RAPGEF2: variants seen among roughly 807,000 people sequenced by gnomAD.
RAPGEF2 encodes the protein Rap guanine nucleotide exchange factor 2, also known as PDZ domain containing guanine nucleotide exchange factor (GEF) 1.
Under a neutral mutation model 186.7 loss-of-function variants are expected in RAPGEF2, and 54 were observed. The observed-to-expected ratio is 0.29, with a 90% CI of 0.23 to 0.36. The LOEUF is 0.36. RAPGEF2 is among the 10% of genes least tolerant of loss of function. The pLI, the probability that RAPGEF2 is intolerant of heterozygous loss-of-function variation, is 1.00. For missense variants in RAPGEF2, 1,532 were observed against 2,045.0 expected (o/e 0.75, Z 4.84); for synonymous variants, 712 against 705.9 (o/e 1.01, Z -0.14).
At chr4:159,128,878 A>G (rs1740673118) in intron 1 of RAPGEF2, 1 of 142,136 alleles carries the variant, frequency 7.0e-6, no homozygotes, top group African/African-American at 2.6e-5. Flanking sequence ...AGACTTTGCC[A>G]CTCTTGAAAG....
At chr4:159,286,192 C>T (rs1760469914) in intron 7 of RAPGEF2, among the ~76,000 whole-genome samples, 1 of 152,038 alleles carries the variant, frequency 6.6e-6, no homozygotes, top group African/African-American at 2.4e-5. Context: ...TATTGAAACC[C>T]CAAACCTATG....
intron 7 of RAPGEF2, among the ~76,000 whole-genome samples, chr4:159,276,198 A>C (rs1189147839): frequency 1.3e-5 from 2 of 152,178 alleles, no homozygotes; most frequent in Non-Finnish European, 2.9e-5. Context: ...GTTCAGCAAA[A>C]TTGAGCAATG....
intron 2 of RAPGEF2, among the ~76,000 whole-genome samples, chr4:159,186,927 T>C (rs1747614826): frequency 6.6e-6 from 1 of 152,200 alleles, no homozygotes; most frequent in African/African-American, 2.4e-5. Flanking sequence ...ATCATTTCTT[T>C]GTGTTATAGC....
chr4:159,310,380 C>G (rs926689873), intron 8 of RAPGEF2, among the ~76,000 whole-genome samples: 2 of 151,972 alleles, frequency 1.3e-5, no homozygotes, highest in Non-Finnish European at 2.9e-5. Flanking sequence ...TTTTAATAAG[C>G]AAAACTTTTT....
intron 2 of RAPGEF2, among the ~76,000 whole-genome samples, chr4:159,190,830 T>C (rs1748051394): frequency 6.6e-6 from 1 of 152,070 alleles, no homozygotes. Flanking sequence ...ATCCCTCTCA[T>C]GACATGTGGG....
At chr4:159,348,145 T>C (rs757530931) in intron 25 of RAPGEF2, among the ~76,000 whole-genome samples, 22 of 151,280 alleles carry the variant, frequency 1.5e-4, no homozygotes, top group Non-Finnish European at 2.5e-4. Flanking sequence ...CGCTTCAACC[T>C]GGGGGGTGGA....
intron 3 of RAPGEF2, among the ~76,000 whole-genome samples, chr4:159,201,218 A>G (rs1053504354): frequency 6.6e-5 from 10 of 152,260 alleles, no homozygotes; most frequent in Non-Finnish European, 4.4e-5. Flanking sequence ...GAGTAAAAAT[A>G]TACAAATTTT....
At position 159,158,672 on chromosome 4, in the gene RAPGEF2, C is replaced by G. The variant is rs146932091; in HGVS notation, c.70-27970C>G. Among the ~76,000 whole-genome samples the G allele has an allele frequency of 4.8e-3, 734 of 152,240 alleles. 7 individuals are homozygous for G. Among genetic ancestry groups the G allele is most frequent in the African/African-American group, 0.016 (672 of 41,534 alleles). On this transcript the variant is annotated intron_variant, in intron 1 of 29. Coordinates refer to ENST00000691494, the MANE Select transcript of RAPGEF2 (RefSeq NM_001394067.2). ...AAAGTTCAGAGATGACTATAGTCAC[C>G]TATTCAGGAGAGCATCCAGAGTATG...
chr4:159,322,815 G>A (rs1005688884), intron 10 of RAPGEF2, among the ~76,000 whole-genome samples: 8 of 152,104 alleles, frequency 5.3e-5, no homozygotes, highest in East Asian at 1.9e-4. Context: ...CAAAAGCAGA[G>A]ACCCCTGATA....
intron 4 of RAPGEF2, among the ~76,000 whole-genome samples, chr4:159,223,203 G>GTTTC (rs1047890552): frequency 3.5e-5 from 3 of 86,608 alleles, no homozygotes; most frequent in Non-Finnish European, 7.5e-5. Context: ...TGTCTTAGAT[G>GTTTC]TTTCTTACGG....
intron 11 of RAPGEF2, chr4:159,328,102 T>C (rs1766184842): frequency 1.3e-5 from 2 of 152,124 alleles, no homozygotes; most frequent in South Asian, 4.1e-4. Context: ...TTAATTATGT[T>C]CTCTAAAACT....
intron 1 of RAPGEF2, among the ~76,000 whole-genome samples, chr4:159,178,617 G>A (rs943877623): frequency 6.2e-5 from 8 of 129,656 alleles, no homozygotes; most frequent in Admixed American, 3.7e-4. Context: ...GAGTGCTGCC[G>A]CGCGATTTTA....
At chr4:159,252,742 A>G (rs758576412) in intron 7 of RAPGEF2, among the ~76,000 whole-genome samples, 2 of 152,250 alleles carry the variant, frequency 1.3e-5, no homozygotes, top group Non-Finnish European at 2.9e-5. Flanking sequence ...ACATCAGCTA[A>G]GAGAGGCCGA....
chr4:159,325,749 T>G (rs1196458129), intron 11 of RAPGEF2, among the ~76,000 whole-genome samples: 1 of 152,178 alleles, frequency 6.6e-6, no homozygotes, highest in Non-Finnish European at 1.5e-5. Flanking sequence ...TGACTGAATA[T>G]TACAGAGTGC....
rs373446821 is a variant in RAPGEF2, at chr4:159,321,489, C to T, written c.854-858C>T. On this transcript the variant is annotated intron_variant, in intron 9 of 29. Coordinates refer to ENST00000691494, the MANE Select transcript of RAPGEF2 (RefSeq NM_001394067.2). ...TTCCAAAATGTTAGGATTACAGGCA[C>T]GAGCCACTGCGCCTGGTCTTGCCAT... is the stretch of plus-strand genomic sequence containing the variant. Among the ~76,000 whole-genome samples the T allele has an allele frequency of 2.2e-4, 33 of 152,184 alleles. 1 individual carries two copies. In the East Asian group the frequency reaches 3.5e-3, roughly 16 times the overall value.
chr4:159,109,543 T>C (rs574884401), intron 1 of RAPGEF2, among the ~76,000 whole-genome samples: 8 of 152,354 alleles, frequency 5.3e-5, no homozygotes, highest in Admixed American at 1.3e-4. Flanking sequence ...TAGTCCTCTT[T>C]ATAGCATATT....
chr4:159,122,911 CT>C (rs1355187094), intron 1 of RAPGEF2, among the ~76,000 whole-genome samples: 3 of 152,182 alleles, frequency 2.0e-5, no homozygotes, highest in Non-Finnish European at 2.9e-5. Flanking sequence ...AGATTAAGAT[CT>C]GCAACTGCAG....
chr4:159,330,730 A>G, intron 13 of RAPGEF2: 1 of 426,554 alleles, frequency 2.3e-6, no homozygotes, highest in Non-Finnish European at 4.1e-6. Context: ...ACAAAGGCCA[A>G]TAAATTGGCC....
At chr4:159,226,505 CA>C (rs1034893662) in intron 4 of RAPGEF2, among the ~76,000 whole-genome samples, 1 of 151,904 alleles carries the variant, frequency 6.6e-6, no homozygotes, top group Non-Finnish European at 1.5e-5. Context: ...TTATCAGTGC[CA>C]AAAAAATGTT....
Sources: allele counts gnomAD v4.1 joint callset (sites outside exome capture counted in the v4.1 genomes callset), GRCh38; gene constraint gnomAD v4.1.1; transcripts MANE v1.5; gene names NCBI Gene and HGNC (gene_info 2026-07-23, HGNC 2026-07-21).